The following SLC51B variants were observed in gnomAD, a reference collection of about 807,000 sequenced individuals.
The protein encoded by SLC51B is SLC51 subunit beta, also known as organic solute transporter subunit beta.
A neutral mutation model predicts 8.0 loss-of-function variants in SLC51B; 6 were observed. The observed-to-expected ratio is 0.75, with a 90% CI of 0.41 to 1.48. The LOEUF (loss-of-function observed/expected upper bound fraction) is 1.48, where lower values mean the gene tolerates loss of function less well. Among genes scored for constraint, SLC51B ranks in the 40% most tolerant of loss-of-function variants. The pLI is 0.01. For synonymous variants in SLC51B, 61 were observed against 54.8 expected (o/e 1.11, Z -0.50); for missense variants, 150 against 149.7 (o/e 1.00, Z -0.01).
chr15:65,048,373 A>AG (rs1246054521), intron 1 of SLC51B, among the ~76,000 whole-genome samples: 1 of 152,184 alleles, frequency 6.6e-6, no homozygotes, highest in Non-Finnish European at 1.5e-5. Flanking sequence ...TTAGTGCTAG[A>AG]GGAAACTCTG....
chr15:65,045,786 G>T (rs1383407454), intron 1 of SLC51B, among the ~76,000 whole-genome samples: 1 of 152,228 alleles, frequency 6.6e-6, no homozygotes, highest in African/African-American at 2.4e-5. Context: ...CTAACAAAAT[G>T]CAAATAAGGC....
In SLC51B at chr15:65,053,119, T is replaced by C. The variant is rs2086677710; in HGVS notation, c.342T>C (p.Asp114=). The C allele has an allele frequency of 1.2e-6, 2 of 1,614,148 alleles. No homozygotes were observed. The highest frequency in any genetic ancestry group is 1.3e-5 in the African/African-American group (1 of 75,042). The change falls in exon 4 of 4, where the codon GAT becomes GAC. Residue 114 remains aspartate, a synonymous_variant. Transcript: ENST00000334287. ...AQVELELKER[D]VLSVFLPDVP... Reference sequence around the variant, plus strand: ...TGGAACTTGAGTTAAAAGAGAGAGATGTGCTGTCAGTTTTCCTTCCGGATG... The same window carrying C: ...TGGAACTTGAGTTAAAAGAGAGAGACGTGCTGTCAGTTTTCCTTCCGGATG...
At chr15:65,051,375 G>A in intron 2 of SLC51B, 140 bp from the exon 3 acceptor site, 1 of 727,930 alleles carries the variant, frequency 1.4e-6, no homozygotes, top group East Asian at 2.7e-5. Context: ...CCCAGGGCAA[G>A]GGGCCCATCT....
At chr15:65,048,825 A>G (rs2086608957) in intron 1 of SLC51B, among the ~76,000 whole-genome samples, 1 of 152,164 alleles carries the variant, frequency 6.6e-6, no homozygotes, top group Admixed American at 6.5e-5. Flanking sequence ...CCTGGCCAAC[A>G]TGGTGAAACC....
rs1373903159 is a variant in SLC51B, at chr15:65,053,039, A to G, written c.262A>G (p.Ser88Gly). 3 of 1,614,004 alleles carry G rather than the reference A, an allele frequency of 1.9e-6. No homozygotes were observed. In the Admixed American group the frequency reaches 5.0e-5, roughly 27 times the overall value. ...LHLDEAKDHN[S>G]LNNLRETLLS... ...TTTGGATGAGGCCAAGGATCACAAC[A>G]GCCTAAACAACCTAAGAGAAACTTT... The change falls in exon 4 of 4, where the codon AGC (serine) becomes GGC (glycine). Residue 88 changes from serine (S) to glycine (G), a missense_variant. Ser to Gly is a moderately conservative substitution (Grantham distance 56). Transcript: ENST00000334287.
rs1033926197 is a variant in SLC51B at position 65,045,594 on chromosome 15, C to T, written c.-109+12C>T. On this transcript the variant is annotated intron_variant, in intron 1 of 3. Coordinates refer to ENST00000334287, the MANE Select transcript of SLC51B (RefSeq NM_178859.4). ...ACTCAGGATCCGGGGTGAGTGTCCT[C>T]ATCTTGCCTTGGGGATGGGTGGCCC... 4 of 152,316 alleles carry T rather than the reference C, an allele frequency of 2.6e-5. No individual in the cohort carries two copies. Among genetic ancestry groups the T allele is most frequent in the African/African-American group, 9.6e-5 (4 of 41,474 alleles). The allele number at this position is 152,316 out of a possible 1,614,324, so 9.4% of individuals were successfully genotyped here.
chr15:65,050,455 C>T (rs766368189), intron 2 of SLC51B, among the ~76,000 whole-genome samples: 1 of 152,168 alleles, frequency 6.6e-6, no homozygotes, highest in Non-Finnish European at 1.5e-5. Flanking sequence ...ACAACTAAAA[C>T]GCATAGTGCG....
intron 1 of SLC51B, among the ~76,000 whole-genome samples, chr15:65,047,949 C>T (rs748849669): frequency 3.9e-5 from 6 of 152,022 alleles, no homozygotes; most frequent in Non-Finnish European, 8.8e-5. Context: ...GAGGCCGAGG[C>T]GAGTGGATTA....
chr15:65,051,710 A>G, intron 3 of SLC51B, 105 bp downstream of exon 3: 1 of 971,656 alleles, frequency 1.0e-6, no homozygotes, highest in Non-Finnish European at 1.6e-6. Flanking sequence ...ATTGCTGTCC[A>G]CCCTTTGGGA....
At chr15:65,045,941 C>T (rs184116674) in intron 1 of SLC51B, among the ~76,000 whole-genome samples, 5 of 151,550 alleles carry the variant, frequency 3.3e-5, no homozygotes, top group African/African-American at 4.9e-5. Flanking sequence ...CGAGGCAGGC[C>T]GATCACCTGA....
chr15:65,049,009 C>CA (rs67842486), intron 1 of SLC51B, among the ~76,000 whole-genome samples: 46,307 of 94,118 alleles, frequency 0.49, 10,297 homozygotes, highest in South Asian at 0.61. Flanking sequence ...GACTCCGTCT[C>CA]AAAAAAAAAA....
At chr15:65,050,912 T>G (rs940494093) in intron 2 of SLC51B, among the ~76,000 whole-genome samples, 3 of 145,786 alleles carry the variant, frequency 2.1e-5, no homozygotes, top group Admixed American at 7.0e-5. Context: ...TGGTGCAATC[T>G]TGGCTCACTG....
intron 1 of SLC51B, among the ~76,000 whole-genome samples, chr15:65,047,268 G>A (rs1454983380): frequency 3.3e-5 from 5 of 151,084 alleles, no homozygotes; most frequent in African/African-American, 9.7e-5. Context: ...CCTGGGAGGC[G>A]GTGGTTGCAG....
At chr15:65,049,076 CA>C (rs1427860136) in intron 1 of SLC51B, 9 of 150,028 alleles carry the variant, frequency 6.0e-5, no homozygotes, top group African/African-American at 2.0e-4. Flanking sequence ...TATATGTTGT[CA>C]AAATTAATTT....
At chr15:65,051,787 C>CAAACAAAA (rs1370987923) in intron 3 of SLC51B, among the ~76,000 whole-genome samples, 182 bp downstream of exon 3, 1 of 151,116 alleles carries the variant, frequency 6.6e-6, no homozygotes, top group African/African-American at 2.4e-5. Context: ...AACAAACAAA[C>CAAACAAAA]AAAAAACAGC....
intron 2 of SLC51B, among the ~76,000 whole-genome samples, chr15:65,050,827 C>CT (rs2086640662): frequency 4.5e-5 from 3 of 66,560 alleles, no homozygotes; most frequent in African/African-American, 8.6e-5. Flanking sequence ...TTTCTTTCTT[C>CT]TTCTTCTTCT....
intron 3 of SLC51B, among the ~76,000 whole-genome samples, chr15:65,051,964 T>C (rs1372543211): frequency 2.0e-5 from 3 of 152,270 alleles, no homozygotes; most frequent in African/African-American, 7.2e-5. Context: ...AGCAGACCTG[T>C]TCCCCCTACG....
intron 1 of SLC51B, among the ~76,000 whole-genome samples, chr15:65,047,067 C>T (rs114554228): frequency 1.9e-3 from 291 of 152,216 alleles, no homozygotes; most frequent in African/African-American, 6.3e-3. Context: ...TTTAAAAATG[C>T]ATACAAAGGC....
In SLC51B at chr15:65,049,919, CAGGGG is replaced by C; in HGVS notation, c.-85_-81del. 1 of 1,006,272 alleles carries C rather than the reference CAGGGG, an allele frequency of 9.9e-7. No homozygotes were observed. The highest frequency in any genetic ancestry group is 1.4e-6 in the Non-Finnish European group (1 of 696,878). The allele number at this position is 1,006,272 out of a possible 1,614,324, so 62.3% of individuals were successfully genotyped here. The stretch of plus-strand genomic sequence containing the variant: ...CAGGGGTCTTCACGGCTTCTCTGCC[CAGGGG>C]CCAGAACCGAGGAGGCCAGGAGGGC... On this transcript the variant is annotated 5_prime_UTR_variant, in exon 2 of 4. Coordinates refer to ENST00000334287, the MANE Select transcript of SLC51B (RefSeq NM_178859.4).
Sources: allele counts gnomAD v4.1 joint callset (sites outside exome capture counted in the v4.1 genomes callset), GRCh38; gene constraint gnomAD v4.1.1; transcripts MANE v1.5; gene names NCBI Gene and HGNC (gene_info 2026-07-23, HGNC 2026-07-21).